The following RUSC2 variants were observed in gnomAD, a reference collection of about 807,000 sequenced individuals.
RUSC2 encodes RUN and SH3 domain containing 2, also known as AP-4 complex accessory subunit RUSC2.
In RUSC2, 34 loss-of-function variants were observed where a neutral mutation model predicts 122.2. The ratio of observed to expected loss-of-function variants is 0.28; its 90% confidence interval spans 0.21 to 0.37. The LOEUF is 0.37. Ranked by LOEUF, RUSC2 falls within the 10% of genes least tolerant of loss-of-function variation. The probability of loss-of-function intolerance (pLI) is 1.00; values close to 1 mark genes in which losing one functional copy is unlikely to be tolerated. For synonymous variants in RUSC2, 784 were observed against 790.0 expected (o/e 0.99, Z 0.13); for missense variants, 1,747 against 1,952.4 (o/e 0.89, Z 1.98).
chr9:35,516,927 GGTAA>G (rs1241378570), intron 1 of RUSC2, among the ~76,000 whole-genome samples: 2 of 152,096 alleles, frequency 1.3e-5, no homozygotes, highest in Non-Finnish European at 2.9e-5. Flanking sequence ...ACCAAAAGAA[GGTAA>G]GTATTTGAGG....
rs866323790 is a variant in RUSC2 at position 35,495,051 on chromosome 9, A to T, written c.-93+4879A>T. On this transcript the variant is annotated intron_variant, in intron 1 of 11. Coordinates refer to ENST00000361226, the MANE Select transcript of RUSC2 (RefSeq NM_014806.5). ...ATATTATATATACTATAGTATATAT[A>T]ATATATACTATAGTATATATTATAT... 9.0e-3 allele frequency among the ~76,000 whole-genome samples: 187 copies of T among 20,794 alleles called. 1 individual carries two copies. The highest frequency in any genetic ancestry group is 0.011 in the Middle Eastern group (1 of 92). The allele number at this position is 20,794 out of a possible 152,430, so 13.6% of individuals were successfully genotyped here. A position where few individuals can be genotyped will look rare whatever the true frequency, so the allele number is the denominator to read the frequency against.
chr9:35,536,978 A>G (rs1002371553), intron 1 of RUSC2, among the ~76,000 whole-genome samples: 3 of 152,224 alleles, frequency 2.0e-5, no homozygotes, highest in African/African-American at 7.2e-5. Context: ...TGGTAGTACT[A>G]AAAAGTAAAT....
rs187752240 is a variant in RUSC2, at chr9:35,550,260, G to T, written c.2014+1725G>T. On this transcript the variant is annotated intron_variant, in intron 2 of 11. Transcript: ENST00000361226. ...TCACTGGTTGTTTGGGTAGAAGATG[G>T]ACTGGAAGGGGTGTCTTCCTGAAGT... Among the ~76,000 whole-genome samples, 442 of 152,116 alleles carry T rather than the reference G, an allele frequency of 2.9e-3. 4 individuals are homozygous for T. The highest frequency in any genetic ancestry group is 0.017 in the Middle Eastern group (5 of 292).
At chr9:35,529,536 ACAGT>A (rs1338587209) in intron 1 of RUSC2, among the ~76,000 whole-genome samples, 4 of 150,116 alleles carry the variant, frequency 2.7e-5, no homozygotes, top group African/African-American at 7.4e-5. Context: ...ACTAGATGTG[ACAGT>A]CAGTCTGTCA....
chr9:35,510,024 AT>A, intron 1 of RUSC2, among the ~76,000 whole-genome samples: 1 of 152,328 alleles, frequency 6.6e-6, no homozygotes, highest in South Asian at 2.1e-4. Flanking sequence ...AAAAGAGCAA[AT>A]CAGGGTTCTA....
intron 1 of RUSC2, among the ~76,000 whole-genome samples, chr9:35,522,031 C>T (rs1644284493): frequency 6.6e-6 from 1 of 152,198 alleles, no homozygotes; most frequent in South Asian, 2.1e-4. Context: ...TCACTGTTAC[C>T]ACCAGTTCTG....
chr9:35,558,387 C>G lies in RUSC2; in HGVS notation c.3235+16C>G. The G allele has an allele frequency of 6.2e-7, 1 of 1,613,840 alleles. No homozygotes were observed. The highest frequency in any genetic ancestry group is 8.5e-7 in the Non-Finnish European group (1 of 1,179,772). ...ACACAGCTAGGTAGGTGCTGGGTGC[C>G]AAGACGGGGACCCAGGGCTGAATTT... On this transcript the variant is annotated intron_variant, in intron 7 of 11. Transcript: ENST00000361226. The surrounding 1 kb of genome is among the most constrained non-coding windows in gnomAD (Gnocchi z 4.3).
chr9:35,553,828 G>C (rs1349478976), intron 2 of RUSC2, among the ~76,000 whole-genome samples: 1 of 152,172 alleles, frequency 6.6e-6, no homozygotes, highest in South Asian at 2.1e-4. Context: ...TAATGGGATT[G>C]TGGTCCCCAT....
chr9:35,558,530 A>T lies in RUSC2; in HGVS notation c.3304A>T (p.Thr1102Ser). 6.2e-7 allele frequency: 1 copy of T among 1,614,150 alleles called. No homozygotes were observed. The highest frequency in any genetic ancestry group is 8.5e-7 in the Non-Finnish European group (1 of 1,180,018). Residue 1102 changes from threonine to serine, a missense_variant, in exon 8 of 12, where the codon ACC becomes TCC. Transcript: ENST00000361226. This position sits in a 1 kb window ranked among gnomAD's most constrained non-coding sequence, Gnocchi z 4.3. ...CCAATTCCCAGAGCTCACCAGTCAT[A>T]CCATGCGCTTCAACGCCTTCATCCT... ...VSQFPELTSH[T>S]MRFNAFILGL... is the part of the protein sequence containing the mutation.
chr9:35,548,738 A>G lies in RUSC2; in HGVS notation c.2014+203A>G. The stretch of plus-strand genomic sequence containing the variant: ...GGAGAAAGACAGAGGACTCAAAAAT[A>G]CACTGAGCAGACTGGGTGCAGTGAC... On this transcript the variant is annotated intron_variant, in intron 2 of 11. Coordinates refer to ENST00000361226, the MANE Select transcript of RUSC2 (RefSeq NM_014806.5). The surrounding 1 kb of genome is among the most constrained non-coding windows in gnomAD (Gnocchi z 4.5). 1 of 985,310 alleles carries G rather than the reference A, an allele frequency of 1.0e-6. No homozygotes were observed. Among genetic ancestry groups the G allele is most frequent in the African/African-American group, 1.7e-5 (1 of 57,320 alleles). The allele number at this position is 985,310 out of a possible 1,614,324, so 61.0% of individuals were successfully genotyped here.
intron 2 of RUSC2, among the ~76,000 whole-genome samples, chr9:35,550,378 C>A (rs2099202): frequency 0.61 from 93,065 of 151,754 alleles, 30,236 homozygotes; most frequent in Non-Finnish European, 0.72. Flanking sequence ...ATAGTCCCAG[C>A]ACTTTAGGAG....
rs764041232 is a variant in RUSC2 at position 35,547,373 on chromosome 9, C to T, written c.852C>T (p.Phe284=). 6.2e-7 allele frequency: 1 copy of T among 1,614,064 alleles called. No homozygotes were observed. The highest frequency in any genetic ancestry group is 8.5e-7 in the Non-Finnish European group (1 of 1,180,042). ...CNSSDGVLVT[F]STLYNKMHGT... ...GTTCAGATGGTGTGCTGGTCACCTTCAGCACCCTCTACAACAAGATGCATG... is the reference window on the plus strand; with the variant it reads ...GTTCAGATGGTGTGCTGGTCACCTTTAGCACCCTCTACAACAAGATGCATG... Residue 284 remains phenylalanine (F), a synonymous_variant, in exon 2 of 12, where the codon TTC becomes TTT. Coordinates refer to ENST00000361226, the MANE Select transcript of RUSC2 (RefSeq NM_014806.5). The surrounding 1 kb of genome is among the most constrained non-coding windows in gnomAD (Gnocchi z 4.6).
chr9:35,553,566 G>A (rs527962801), intron 2 of RUSC2, among the ~76,000 whole-genome samples: 3 of 152,336 alleles, frequency 2.0e-5, no homozygotes, highest in East Asian at 1.9e-4. Context: ...AGGGGCTGAC[G>A]TAGTCAGAGA....
intron 1 of RUSC2, among the ~76,000 whole-genome samples, chr9:35,496,257 C>T (rs1356115383): frequency 6.6e-6 from 1 of 152,078 alleles, no homozygotes; most frequent in African/African-American, 2.4e-5. Context: ...GAGAGGATCA[C>T]AGAGAATCAA....
intron 2 of RUSC2, among the ~76,000 whole-genome samples, chr9:35,551,538 C>T (rs1821895769): frequency 6.6e-6 from 1 of 152,082 alleles, no homozygotes; most frequent in Admixed American, 6.5e-5. Context: ...GGGTGCATCT[C>T]GTGGGATACT....
At chr9:35,515,422 G>A (rs1035606394) in intron 1 of RUSC2, among the ~76,000 whole-genome samples, 1 of 151,562 alleles carries the variant, frequency 6.6e-6, no homozygotes. Context: ...TTTTTTTCAA[G>A]CCCACAGCTA....
chr9:35,521,987 C>G (rs988535199), intron 1 of RUSC2, among the ~76,000 whole-genome samples: 1 of 152,228 alleles, frequency 6.6e-6, no homozygotes, highest in Non-Finnish European at 1.5e-5. Context: ...TGTTTATTCT[C>G]TCTTTACAGT....
At chr9:35,549,939 C>T (rs1297715544) in intron 2 of RUSC2, among the ~76,000 whole-genome samples, 1 of 152,012 alleles carries the variant, frequency 6.6e-6, no homozygotes, top group Non-Finnish European at 1.5e-5. Context: ...GGGCTGGGCA[C>T]AGTGGCTTAC....
intron 1 of RUSC2, among the ~76,000 whole-genome samples, chr9:35,509,243 C>T (rs539751217): frequency 6.6e-6 from 1 of 152,172 alleles, no homozygotes; most frequent in South Asian, 2.1e-4. Flanking sequence ...AGGAGGATCA[C>T]TTGAGCCCCG....
Sources: gnomAD v4.1 joint callset for allele counts (sites outside exome capture counted in the v4.1 genomes callset) on GRCh38, gnomAD v4.1.1 for gene constraint, Gnocchi (gnomAD v3.1) non-coding constraint, MANE v1.5 for transcripts, NCBI Gene and HGNC (gene_info 2026-07-23, HGNC 2026-07-21) for gene names.